LDLRAD3: variants seen among roughly 807,000 people sequenced by gnomAD.
LDLRAD3 encodes low-density lipoprotein receptor class A domain-containing protein 3.
In LDLRAD3, 20 loss-of-function variants were observed where a neutral mutation model predicts 29.4. The observed-to-expected ratio is 0.68, with a 90% CI of 0.48 to 0.99. The LOEUF is 0.99. LDLRAD3 is among the 50% of genes least tolerant of loss of function. LDLRAD3 has a pLI of 0.00. For missense variants in LDLRAD3, 420 were observed against 454.3 expected, an observed-to-expected ratio of 0.92 and a Z score of 0.69; for synonymous variants, 157 against 192.7, an observed-to-expected ratio of 0.81 and a Z score of 1.53.
chr11:36,045,470 C>T (rs1590224016), intron 2 of LDLRAD3, among the ~76,000 whole-genome samples: 1 of 152,176 alleles, frequency 6.6e-6, no homozygotes, highest in Non-Finnish European at 1.5e-5. Flanking sequence ...GCCGTGGTTT[C>T]TCTGAAGGTT....
intron 1 of LDLRAD3, among the ~76,000 whole-genome samples, chr11:35,999,476 C>G (rs543967865): frequency 1.5e-4 from 23 of 152,264 alleles, no homozygotes; most frequent in Admixed American, 4.6e-4. Context: ...CCGAGCCTGC[C>G]CCTCCTCATC....
chr11:36,011,038 C>A (rs1291590362), intron 1 of LDLRAD3, among the ~76,000 whole-genome samples: 1 of 152,224 alleles, frequency 6.6e-6, no homozygotes, highest in East Asian at 1.9e-4. Context: ...CTCCTAACCT[C>A]AGGTGATCTG....
chr11:35,962,538 C>T (rs570987763), intron 1 of LDLRAD3, among the ~76,000 whole-genome samples: 10 of 152,230 alleles, frequency 6.6e-5, no homozygotes, highest in African/African-American at 2.4e-4. Context: ...GAACAGCTTG[C>T]GTCTGGGAGG....
At chr11:36,063,687 C>A (rs1048903079) in intron 2 of LDLRAD3, among the ~76,000 whole-genome samples, 1 of 152,120 alleles carries the variant, frequency 6.6e-6, no homozygotes, top group Non-Finnish European at 1.5e-5. Flanking sequence ...AGTGAATTTT[C>A]TTGGCACTCT....
At chr11:35,972,519 C>T (rs1389740909) in intron 1 of LDLRAD3, 1 of 151,964 alleles carries the variant, frequency 6.6e-6, no homozygotes, top group Non-Finnish European at 1.5e-5. Flanking sequence ...TTACTGGTTA[C>T]CCATTCTCCA....
rs1196589241 is a variant in LDLRAD3 at position 36,105,237 on chromosome 11, G to GTGTT, written c.454+6778_454+6779insTTTG. Among the ~76,000 whole-genome samples, 7 of 144,248 alleles carry GTGTT rather than the reference G, an allele frequency of 4.9e-5. No individual in the cohort carries two copies. The East Asian group carries it at 1.4e-3, about 29-fold the overall frequency. 94.6% of individuals were successfully genotyped at this position (144,248 alleles called of 152,430 possible). A position where few individuals can be genotyped will look rare whatever the true frequency, so the allele number is the denominator to read the frequency against. ...TGTGTGTGTGTGTGTGTGTGTGTGT[G>GTGTT]TGAGAGAGAGAGAGAGAGAGAGAGA... On this transcript the variant is annotated intron_variant, in intron 4 of 5. Transcript: ENST00000315571.
At chr11:36,037,972 C>A (rs1224433533) in intron 2 of LDLRAD3, among the ~76,000 whole-genome samples, 1 of 152,328 alleles carries the variant, frequency 6.6e-6, no homozygotes, top group East Asian at 1.9e-4. Flanking sequence ...TCACAGCTCA[C>A]TGCAGCCTCG....
In LDLRAD3 at chr11:36,159,602, T is replaced by TAAAA. The variant is rs66512652; in HGVS notation, c.454+61162_454+61165dup. Among the ~76,000 whole-genome samples, 152 of 58,458 alleles carry TAAAA rather than the reference T, an allele frequency of 2.6e-3. 5 individuals carry two copies. Among genetic ancestry groups the TAAAA allele is most frequent in the Non-Finnish European group, 4.1e-3 (129 of 31,766 alleles). The allele number at this position is 58,458 out of a possible 152,430, so 38.4% of individuals were successfully genotyped here. A position where few individuals can be genotyped will look rare whatever the true frequency, so the allele number is the denominator to read the frequency against. On this transcript the variant is annotated intron_variant, in intron 4 of 5. Coordinates refer to ENST00000315571, the MANE Select transcript of LDLRAD3 (RefSeq NM_174902.4). ...AGTAAAACACCGTCTTTACAGAAACTAAAAAAAAAAAAAAAAAAAAAAAAG... is the reference window on the plus strand; with the variant it reads ...AGTAAAACACCGTCTTTACAGAAACTAAAAAAAAAAAAAAAAAAAAAAAAAAAAG...
intron 4 of LDLRAD3, chr11:36,197,210 C>T (rs975778865): frequency 1.3e-5 from 2 of 152,202 alleles, no homozygotes; most frequent in Non-Finnish European, 2.9e-5. Flanking sequence ...TTCAGAACGA[C>T]CTCTTTCATT....
chr11:36,162,492 C>A (rs1854457405), intron 4 of LDLRAD3, among the ~76,000 whole-genome samples: 1 of 152,202 alleles, frequency 6.6e-6, no homozygotes, highest in Admixed American at 6.5e-5. Flanking sequence ...AGAACCCAGA[C>A]AGAATGTTAA....
chr11:36,126,466 C>G (rs919109208), intron 4 of LDLRAD3, among the ~76,000 whole-genome samples: 10 of 152,108 alleles, frequency 6.6e-5, no homozygotes, highest in Non-Finnish European at 2.9e-5. Context: ...CCCTGCCAGC[C>G]CCATTTCAGC....
At chr11:36,137,435 C>T (rs926214619) in intron 4 of LDLRAD3, among the ~76,000 whole-genome samples, 6 of 152,198 alleles carry the variant, frequency 3.9e-5, no homozygotes, top group African/African-American at 1.4e-4. Context: ...TTAGCAGATC[C>T]TCTGCAATTT....
chr11:36,014,489 C>T (rs1036053734), intron 1 of LDLRAD3, among the ~76,000 whole-genome samples: 6 of 152,182 alleles, frequency 3.9e-5, no homozygotes, highest in South Asian at 2.1e-4. Context: ...GTGATGGTAA[C>T]GCCTGGAGTG....
chr11:36,152,953 C>T (rs1353354513), intron 4 of LDLRAD3, among the ~76,000 whole-genome samples: 1 of 152,142 alleles, frequency 6.6e-6, no homozygotes, highest in Non-Finnish European at 1.5e-5. Flanking sequence ...AGGGTACAAT[C>T]AAGCAGTCTC....
chr11:36,043,716 C>G (rs777644995), intron 2 of LDLRAD3, among the ~76,000 whole-genome samples: 2 of 152,098 alleles, frequency 1.3e-5, no homozygotes, highest in African/African-American at 4.8e-5. Flanking sequence ...TTGGCTTTCT[C>G]GTATGAGTGA....
In LDLRAD3 at chr11:35,944,973, C is replaced by A. The variant is rs1851038428; in HGVS notation, c.46+829C>A. On this transcript the variant is annotated intron_variant, in intron 1 of 5. Coordinates refer to ENST00000315571, the MANE Select transcript of LDLRAD3 (RefSeq NM_174902.4). The surrounding 1 kb of genome is among the most constrained non-coding windows in gnomAD (Gnocchi z 4.9). ...ACTTTTCTGCTGATGTGGGCATGAT[C>A]CGAATTCCAGCCTGGGAGCCCTTCC... 6.6e-6 allele frequency among the ~76,000 whole-genome samples: 1 copy of A among 152,220 alleles called. No individual in the cohort carries two copies. The highest frequency in any genetic ancestry group is 2.4e-5 in the African/African-American group (1 of 41,458).
At chr11:36,193,668 G>C (rs1423784938) in intron 4 of LDLRAD3, among the ~76,000 whole-genome samples, 3 of 152,088 alleles carry the variant, frequency 2.0e-5, no homozygotes, top group Non-Finnish European at 1.5e-5. Flanking sequence ...TAATTGATTT[G>C]AAATGAAACC....
At chr11:36,056,859 A>T (rs1852629270) in intron 2 of LDLRAD3, among the ~76,000 whole-genome samples, 1 of 152,004 alleles carries the variant, frequency 6.6e-6, no homozygotes, top group Non-Finnish European at 1.5e-5. Flanking sequence ...CACTCCCCAA[A>T]TCCTCCCTGT....
intron 4 of LDLRAD3, among the ~76,000 whole-genome samples, chr11:36,105,485 C>T (rs1367640843): frequency 6.6e-6 from 1 of 152,058 alleles, no homozygotes; most frequent in African/African-American, 2.4e-5. Flanking sequence ...AGAGTGTGAC[C>T]TTATTTGGAA....
Sources: allele counts gnomAD v4.1 joint callset (sites outside exome capture counted in the v4.1 genomes callset), GRCh38; gene constraint gnomAD v4.1.1; non-coding constraint Gnocchi (gnomAD v3.1); transcripts MANE v1.5; gene names NCBI Gene and HGNC (gene_info 2026-07-23, HGNC 2026-07-21).